TXLNB: variants seen among roughly 807,000 people sequenced by gnomAD.
The protein encoded by TXLNB is taxilin beta, also known as beta-taxilin.
A neutral mutation model predicts 57.4 loss-of-function variants in TXLNB; 37 were observed. The observed-to-expected ratio is 0.64, with a 90% CI of 0.50 to 0.85. The LOEUF (loss-of-function observed/expected upper bound fraction) is 0.85, where lower values mean the gene tolerates loss of function less well. Ranked by LOEUF, TXLNB falls within the 40% of genes least tolerant of loss-of-function variation. TXLNB has a pLI of 0.00. For synonymous variants in TXLNB, 302 were observed against 309.6 expected (o/e 0.98, Z 0.26); for missense variants, 848 against 825.6 (o/e 1.03, Z -0.33).
the TXLNB span, among the ~76,000 whole-genome samples, chr6:139,299,236 G>A: frequency 1.1e-4 from 17 of 152,122 alleles, no homozygotes; most frequent in Non-Finnish European, 2.1e-4. Context: ...CCCAGCTGGC[G>A]TGTGAATATT....
the TXLNB span, among the ~76,000 whole-genome samples, chr6:139,221,585 A>G: frequency 1.3e-5 from 2 of 152,220 alleles, no homozygotes; most frequent in African/African-American, 4.8e-5. Context: ...TAAGATATCC[A>G]GATATTGCAA....
At chr6:139,260,575 C>T (rs1776455485) in intron 5 of TXLNB, 138 bp from the exon 6 acceptor site, 2 of 925,882 alleles carry the variant, frequency 2.2e-6, no homozygotes, top group Non-Finnish European at 3.2e-6. Context: ...ATTGGCATCA[C>T]TTACAGCTTT....
chr6:139,181,589 C>A, the TXLNB span, among the ~76,000 whole-genome samples: 1 of 152,184 alleles, frequency 6.6e-6, no homozygotes, highest in Non-Finnish European at 1.5e-5. Flanking sequence ...TGTACTCATA[C>A]ACTTGTTCTA....
the TXLNB span, among the ~76,000 whole-genome samples, chr6:139,205,350 C>T: frequency 6.6e-6 from 1 of 152,166 alleles, no homozygotes; most frequent in Non-Finnish European, 1.5e-5. Context: ...TGGTCTCAAA[C>T]TCCTGACCTC....
intron 2 of TXLNB, among the ~76,000 whole-genome samples, chr6:139,277,579 G>C (rs1224721050): frequency 6.6e-6 from 1 of 152,106 alleles, no homozygotes; most frequent in Admixed American, 6.5e-5. Flanking sequence ...GGAAAACCAA[G>C]TAAAGACATG....
the TXLNB span, chr6:139,179,349 A>G: frequency 2.8e-4 from 42 of 152,316 alleles, no homozygotes; most frequent in African/African-American, 9.1e-4. Context: ...GAAGCTTACA[A>G]TTGACCTATA....
At chr6:139,168,404 T>C in the TXLNB span, among the ~76,000 whole-genome samples, 5 of 139,300 alleles carry the variant, frequency 3.6e-5, no homozygotes, top group African/African-American at 1.1e-4. Flanking sequence ...TTAGGGTTAA[T>C]TGATTATTTT....
At chr6:139,206,618 T>C in the TXLNB span, among the ~76,000 whole-genome samples, 1 of 150,912 alleles carries the variant, frequency 6.6e-6, no homozygotes, top group Non-Finnish European at 1.5e-5. Flanking sequence ...AGGTTGTAGT[T>C]AGCTGAGATC....
chr6:139,250,177 CTTTTTTTTT>C (rs529236500), intron 7 of TXLNB, among the ~76,000 whole-genome samples: 1 of 124,422 alleles, frequency 8.0e-6, no homozygotes, highest in Non-Finnish European at 1.7e-5. Flanking sequence ...CCATGTCTGG[CTTTTTTTTT>C]TTTTTTTTTT....
At chr6:139,287,355 G>T (rs1465474471) in intron 2 of TXLNB, 1 of 152,236 alleles carries the variant, frequency 6.6e-6, no homozygotes, top group African/African-American at 2.4e-5. Context: ...CTTGGCCTTT[G>T]TGGGTAGGTT....
the TXLNB span, chr6:139,177,146 T>C: frequency 2.6e-6 from 2 of 758,458 alleles, no homozygotes; most frequent in Non-Finnish European, 4.6e-6. The surrounding 1 kb of genome is among the most constrained non-coding windows in gnomAD (Gnocchi z 4.9). Flanking sequence ...ATTGATATTA[T>C]TACTTTATTA....
chr6:139,229,480 G>A, the TXLNB span, among the ~76,000 whole-genome samples: 3 of 151,996 alleles, frequency 2.0e-5, no homozygotes, highest in Non-Finnish European at 2.9e-5. Flanking sequence ...CTGCCACCAC[G>A]CCCGGCTAAT....
At chr6:139,226,260 G>A in the TXLNB span, among the ~76,000 whole-genome samples, 79 of 115,782 alleles carry the variant, frequency 6.8e-4, no homozygotes, top group African/African-American at 2.0e-3. Context: ...ATTGCTCCAC[G>A]CCACTGCACT....
intron 4 of TXLNB, among the ~76,000 whole-genome samples, chr6:139,263,134 G>A (rs957701477): frequency 4.6e-5 from 7 of 152,356 alleles, no homozygotes; most frequent in Middle Eastern, 3.4e-3. Context: ...TGAGTTTACT[G>A]ATGGATGAGA....
the TXLNB span, among the ~76,000 whole-genome samples, chr6:139,298,628 C>T: frequency 3.9e-5 from 6 of 152,198 alleles, no homozygotes; most frequent in Non-Finnish European, 8.8e-5. Context: ...CTATGGGCTG[C>T]AGCAATGACA....
chr6:139,187,328 TG>T, the TXLNB span, among the ~76,000 whole-genome samples: 1 of 152,222 alleles, frequency 6.6e-6, no homozygotes, highest in African/African-American at 2.4e-5. Context: ...GCTTCCTATT[TG>T]GTTCTCTTTA....
chr6:139,244,958 T>A (rs1776036750), intron 8 of TXLNB, among the ~76,000 whole-genome samples: 1 of 152,244 alleles, frequency 6.6e-6, no homozygotes. Flanking sequence ...TGCTTTTTCT[T>A]TCATTTAAAA....
the TXLNB span, among the ~76,000 whole-genome samples, chr6:139,163,973 A>C: frequency 1.3e-5 from 2 of 151,994 alleles, no homozygotes; most frequent in East Asian, 3.9e-4. Flanking sequence ...GTGGGTCCTA[A>C]ATAGGGCAGC....
intron 2 of TXLNB, among the ~76,000 whole-genome samples, chr6:139,282,215 C>CA (rs1424336788): frequency 6.7e-6 from 1 of 149,850 alleles, no homozygotes; most frequent in Non-Finnish European, 1.5e-5. Flanking sequence ...ATTACTCTCT[C>CA]AGAGAAACTA....
Sources: gnomAD v4.1 joint callset for allele counts (sites outside exome capture counted in the v4.1 genomes callset) on GRCh38, gnomAD v4.1.1 for gene constraint, Gnocchi (gnomAD v3.1) non-coding constraint, MANE v1.5 for transcripts, NCBI Gene and HGNC (gene_info 2026-07-23, HGNC 2026-07-21) for gene names.